The following CCDC38 variants were observed in gnomAD, a reference collection of about 807,000 sequenced individuals.
The protein encoded by CCDC38 is coiled-coil domain containing 38.
In CCDC38, 69 loss-of-function variants were observed where a neutral mutation model predicts 72.8. That is an observed-to-expected ratio of 0.95 (90% CI 0.78 to 1.16). The LOEUF (loss-of-function observed/expected upper bound fraction) is 1.16. Ranked by LOEUF, CCDC38 falls within the 50% of genes most tolerant of loss-of-function variation. The pLI, the probability that CCDC38 is intolerant of heterozygous loss-of-function variation, is 0.00. For missense variants in CCDC38, 626 were observed against 638.9 expected, an observed-to-expected ratio of 0.98 and a Z score of 0.22; for synonymous variants, 201 against 213.2, an observed-to-expected ratio of 0.94 and a Z score of 0.50.
At chr12:95,896,241 G>C (rs2079887981) in intron 7 of CCDC38, among the ~76,000 whole-genome samples, 1 of 152,052 alleles carries the variant, frequency 6.6e-6, no homozygotes, top group South Asian at 2.1e-4. Context: ...GTAAATGGTA[G>C]AGCCAGCACT....
chr12:95,869,499 A>C lies in CCDC38; in HGVS notation c.1559T>G (p.Val520Gly). The change falls in exon 15 of 16, where the codon GTA becomes GGA. Residue 520 changes from valine (V) to glycine (G), a missense_variant. Transcript: ENST00000344280. ...ACAAACCTTTTTCTTTGGTTGTGCT[A>C]CTGCTTTTTCCAGAGCAGCTTTTAG... is the stretch of plus-strand genomic sequence containing the variant. ...ERLKAALEKA[V>G]AQPKKKLGRR... 1.9e-6 allele frequency: 3 copies of C among 1,613,416 alleles called. No homozygotes were observed. The highest frequency in any genetic ancestry group is 2.5e-6 in the Non-Finnish European group (3 of 1,179,750).
chr12:95,884,551 C>T (rs2079736378), intron 10 of CCDC38, among the ~76,000 whole-genome samples: 1 of 152,200 alleles, frequency 6.6e-6, no homozygotes, highest in African/African-American at 2.4e-5. Flanking sequence ...ATGTAACAAA[C>T]AACAGCTTAA....
In CCDC38 at chr12:95,879,676, TA is replaced by T. The variant is rs2079676698; in HGVS notation, c.1109del (p.Val370GlufsTer16). On this transcript the variant is annotated frameshift_variant, in exon 12 of 16. Transcript: ENST00000344280. LOFTEE classifies it high-confidence loss of function. This position sits in a 1 kb window ranked among gnomAD's most constrained non-coding sequence, Gnocchi z 5.5. ...CCTGTATAACTTTTTCTCTTTTGTTTACCTCTTCAAGATTTTCATCTACATC... is the reference window on the plus strand; with the variant it reads ...CCTGTATAACTTTTTCTCTTTTGTTTCCTCTTCAAGATTTTCATCTACATC... Reference protein sequence around the residue: ...SQDVDENLEEVNKREKVIQDK... With the variant: ...SQDVDENLEEXNKREKVIQDK... 1 of 1,601,666 alleles carries T rather than the reference TA, an allele frequency of 6.2e-7. No homozygotes were observed. Among genetic ancestry groups the T allele is most frequent in the Middle Eastern group, 1.7e-4 (1 of 6,016 alleles).
At chr12:95,937,231 C>T (rs1001448606) in intron 1 of CCDC38, among the ~76,000 whole-genome samples, 1 of 152,138 alleles carries the variant, frequency 6.6e-6, no homozygotes, top group Non-Finnish European at 1.5e-5. Context: ...ACTTGTGTGA[C>T]CCTGAGAGCC....
chr12:95,875,296 T>C (rs1003277300), intron 13 of CCDC38, among the ~76,000 whole-genome samples: 18 of 152,222 alleles, frequency 1.2e-4, no homozygotes, highest in African/African-American at 4.3e-4. Context: ...CACGGGTGTG[T>C]TTGCTTTGAG....
chr12:95,934,494 A>C (rs1433752667), intron 2 of CCDC38: 1 of 152,174 alleles, frequency 6.6e-6, no homozygotes, highest in Non-Finnish European at 1.5e-5. Context: ...GTCAACATCC[A>C]GGAAACTGTA....
intron 2 of CCDC38, among the ~76,000 whole-genome samples, chr12:95,923,154 C>T (rs1312837932): frequency 1.3e-5 from 2 of 152,096 alleles, no homozygotes; most frequent in African/African-American, 4.8e-5. Flanking sequence ...ACCATCAGTT[C>T]CCCTGCTTCT....
chr12:95,909,404 AT>A (rs2080066298), intron 4 of CCDC38, among the ~76,000 whole-genome samples: 1 of 152,176 alleles, frequency 6.6e-6, no homozygotes, highest in African/African-American at 2.4e-5. Context: ...TGAATCAGTA[AT>A]AAAAAACCTA....
chr12:95,889,451 C>G (rs2079799278), intron 9 of CCDC38, among the ~76,000 whole-genome samples: 1 of 152,102 alleles, frequency 6.6e-6, no homozygotes, highest in Admixed American at 6.6e-5. Flanking sequence ...CTCTACCCCA[C>G]CCCTGCCCCC....
intron 5 of CCDC38, among the ~76,000 whole-genome samples, chr12:95,906,068 T>A (rs2079997419): frequency 6.6e-6 from 1 of 152,122 alleles, no homozygotes; most frequent in South Asian, 2.1e-4. Flanking sequence ...ATAGAAGAGA[T>A]AATTGGAGAA....
intron 10 of CCDC38, among the ~76,000 whole-genome samples, chr12:95,883,825 G>A (rs1002056555): frequency 4.6e-5 from 7 of 152,210 alleles, no homozygotes; most frequent in Non-Finnish European, 1.0e-4. Context: ...CTGAGGGAGC[G>A]AATGTGGTGT....
chr12:95,883,095 T>A (rs12313757), intron 10 of CCDC38, among the ~76,000 whole-genome samples: 2 of 152,220 alleles, frequency 1.3e-5, no homozygotes, highest in African/African-American at 4.8e-5. Flanking sequence ...CACTTCCCTA[T>A]GTCTCTCACA....
intron 15 of CCDC38, among the ~76,000 whole-genome samples, 182 bp from the exon 16 acceptor site, chr12:95,867,371 A>C (rs1424694286): frequency 6.6e-6 from 1 of 152,236 alleles, no homozygotes; most frequent in Non-Finnish European, 1.5e-5. Flanking sequence ...GGCAAAGTTG[A>C]GTAGCAAACT....
At chr12:95,908,322 C>T (rs2080036761) in intron 4 of CCDC38, among the ~76,000 whole-genome samples, 2 of 150,130 alleles carry the variant, frequency 1.3e-5, no homozygotes, top group East Asian at 2.0e-4. Flanking sequence ...ACCAGTCAGG[C>T]GTGGCGGCGC....
In CCDC38 at chr12:95,918,947, C is replaced by A. The variant is rs761750682; in HGVS notation, c.67G>T (p.Asp23Tyr). The A allele has an allele frequency of 1.9e-6, 3 of 1,610,820 alleles. No homozygotes were observed. The highest frequency in any genetic ancestry group is 2.5e-6 in the Non-Finnish European group (3 of 1,177,514). The stretch of plus-strand genomic sequence containing the variant: ...CTGAAAAAGATCTTATAAGGCCTGT[C>A]CTCTTTGGTTGAGCCATCTTTTACT... ...GKVKDGSTKE[D>Y]RPYKIFFRDL... Residue 23 changes from aspartate (D) to tyrosine (Y), a missense_variant, in exon 3 of 16, where the codon GAC (aspartate) becomes TAC (tyrosine). Asp to Tyr is a radical substitution (Grantham distance 160). Coordinates refer to ENST00000344280, the MANE Select transcript of CCDC38 (RefSeq NM_182496.3).
intron 5 of CCDC38, 47 bp from the exon 6 acceptor site, chr12:95,898,778 T>G: frequency 6.3e-7 from 1 of 1,578,206 alleles, no homozygotes. Flanking sequence ...TCCACATTTT[T>G]AGTAATTTCA....
intron 8 of CCDC38, among the ~76,000 whole-genome samples, chr12:95,892,153 T>G (rs1474209029): frequency 6.8e-6 from 1 of 147,628 alleles, no homozygotes; most frequent in African/African-American, 2.5e-5. Context: ...GTCTGAAAAT[T>G]CCTGTTTCAT....
At chr12:95,924,766 A>G (rs2080250215) in intron 2 of CCDC38, among the ~76,000 whole-genome samples, 1 of 149,074 alleles carries the variant, frequency 6.7e-6, no homozygotes, top group South Asian at 2.1e-4. Flanking sequence ...ATGGCTAGCC[A>G]GTTTTCCCAG....
intron 4 of CCDC38, among the ~76,000 whole-genome samples, chr12:95,912,073 A>G (rs1592788222): frequency 2.0e-5 from 3 of 152,354 alleles, no homozygotes; most frequent in South Asian, 4.1e-4. Context: ...AGCAACATGG[A>G]TAGAGCTGGA....
Sources: allele counts gnomAD v4.1 joint callset (sites outside exome capture counted in the v4.1 genomes callset), GRCh38; gene constraint gnomAD v4.1.1; non-coding constraint Gnocchi (gnomAD v3.1); transcripts MANE v1.5; gene names NCBI Gene and HGNC (gene_info 2026-07-23, HGNC 2026-07-21).